Variants in SUDS3 observed in about 807,000 individuals in gnomAD.
SUDS3 encodes sin3 histone deacetylase corepressor complex component SDS3.
Under a neutral mutation model 53.5 loss-of-function variants are expected in SUDS3, and 23 were observed. The observed-to-expected ratio is 0.43, with a 90% CI of 0.31 to 0.61. The LOEUF is 0.61. Among genes scored for constraint, SUDS3 ranks in the 20% least tolerant of loss-of-function variants. The probability of loss-of-function intolerance (pLI) is 0.10; values close to 1 mark genes in which losing one functional copy is unlikely to be tolerated. For missense variants in SUDS3, 291 were observed against 405.9 expected (o/e 0.72, Z 2.43); for synonymous variants, 150 against 148.5 (o/e 1.01, Z -0.08).
chr12:118,378,132 G>A (rs1297951617), intron 1 of SUDS3, among the ~76,000 whole-genome samples: 1 of 152,132 alleles, frequency 6.6e-6, no homozygotes, highest in Non-Finnish European at 1.5e-5. Flanking sequence ...TCCAGTATAG[G>A]GGCTATTAAA....
At chr12:118,387,798 G>A (rs892825142) in intron 4 of SUDS3, among the ~76,000 whole-genome samples, 3 of 152,150 alleles carry the variant, frequency 2.0e-5, no homozygotes, top group Non-Finnish European at 2.9e-5. Flanking sequence ...TGATCCGCCC[G>A]GCTCGCCTTG....
rs1195157370 is a variant in SUDS3, at chr12:118,401,728, T to G, written c.614-31T>G. 10 of 1,587,492 alleles carry G rather than the reference T, an allele frequency of 6.3e-6. No individual in the cohort carries two copies. In the African/African-American group the frequency reaches 8.1e-5, roughly 13 times the overall value. ...ATTACTCTTTGCCTGGAAACTGTACTTTTCACATACAGTCCTTTAACTCTC... is the reference window on the plus strand; with the variant it reads ...ATTACTCTTTGCCTGGAAACTGTACGTTTCACATACAGTCCTTTAACTCTC... On this transcript the variant is annotated intron_variant, in intron 7 of 11. Transcript: ENST00000543473.
intron 11 of SUDS3, among the ~76,000 whole-genome samples, 154 bp from the exon 12 acceptor site, chr12:118,414,181 G>T (rs1327150227): frequency 6.6e-6 from 1 of 152,210 alleles, no homozygotes; most frequent in Non-Finnish European, 1.5e-5. Flanking sequence ...GGTCAGGGGT[G>T]CTTATGAAGC....
At chr12:118,378,285 T>A (rs965076214) in intron 1 of SUDS3, among the ~76,000 whole-genome samples, 27 of 152,310 alleles carry the variant, frequency 1.8e-4, no homozygotes, top group African/African-American at 6.5e-4. Flanking sequence ...AGATTCCCCT[T>A]TTTTATTGTA....
intron 11 of SUDS3, among the ~76,000 whole-genome samples, chr12:118,412,726 T>C (rs560367241): frequency 9.2e-5 from 14 of 152,220 alleles, no homozygotes; most frequent in African/African-American, 3.4e-4. Context: ...TACCTCAAGA[T>C]TTTTCAGAAA....
chr12:118,389,523 T>C, intron 4 of SUDS3, among the ~76,000 whole-genome samples: 1 of 151,900 alleles, frequency 6.6e-6, no homozygotes, highest in Admixed American at 6.6e-5. Flanking sequence ...TTTTTTTTTT[T>C]TTTTTTGAGA....
chr12:118,385,489 A>G (rs917762944), intron 3 of SUDS3, among the ~76,000 whole-genome samples: 3 of 152,158 alleles, frequency 2.0e-5, no homozygotes, highest in Non-Finnish European at 4.4e-5. Context: ...CAGGCATTAT[A>G]ATCAGGAAAC....
At chr12:118,401,895 A>G in intron 8 of SUDS3, 75 bp downstream of exon 8, 1 of 1,599,786 alleles carries the variant, frequency 6.3e-7, no homozygotes. Flanking sequence ...TTAACATGTT[A>G]CTTGTTAATC....
chr12:118,389,864 A>T, intron 4 of SUDS3, 63 bp from the exon 5 acceptor site: 1 of 1,598,842 alleles, frequency 6.3e-7, no homozygotes, highest in South Asian at 1.1e-5. Flanking sequence ...ATGAATGCTA[A>T]CATCACTGTC....
At chr12:118,386,819 C>G (rs539107144) in intron 4 of SUDS3, among the ~76,000 whole-genome samples, 3 of 152,028 alleles carry the variant, frequency 2.0e-5, no homozygotes, top group Non-Finnish European at 4.4e-5. Context: ...TAAGGAACAC[C>G]GAGTTAAAGA....
chr12:118,382,931 G>C (rs1172301866), intron 2 of SUDS3, among the ~76,000 whole-genome samples: 1 of 152,014 alleles, frequency 6.6e-6, no homozygotes, highest in Non-Finnish European at 1.5e-5. Context: ...GCCTCCTAAA[G>C]TGCTGGGATT....
chr12:118,381,202 A>G (rs2046055841), intron 2 of SUDS3, among the ~76,000 whole-genome samples: 1 of 148,364 alleles, frequency 6.7e-6, no homozygotes, highest in South Asian at 2.1e-4. Flanking sequence ...ATTTATTTTT[A>G]TTTGTTTAAT....
intron 4 of SUDS3, 53 bp from the exon 5 acceptor site, chr12:118,389,874 C>G (rs145641122): frequency 4.1e-4 from 665 of 1,609,956 alleles, no homozygotes; most frequent in Non-Finnish European, 5.4e-4. Flanking sequence ...ACATCACTGT[C>G]TAGAAAGGTG....
At chr12:118,381,295 C>A (rs1420880320) in intron 2 of SUDS3, among the ~76,000 whole-genome samples, 2 of 151,548 alleles carry the variant, frequency 1.3e-5, no homozygotes, top group Non-Finnish European at 2.9e-5. Context: ...ACCTCCACCT[C>A]CCAGGTTCAA....
intron 1 of SUDS3, among the ~76,000 whole-genome samples, chr12:118,378,856 G>A (rs552811287): frequency 6.6e-6 from 1 of 152,132 alleles, no homozygotes; most frequent in African/African-American, 2.4e-5. Flanking sequence ...TGTATTTTTA[G>A]TAGAGACGTG....
At chr12:118,402,281 C>A in intron 9 of SUDS3, 1 of 496,866 alleles carries the variant, frequency 2.0e-6, no homozygotes, top group Non-Finnish European at 3.5e-6. Flanking sequence ...GTGTAGGCAT[C>A]AGGCATAAGA....
chr12:118,391,599 A>G (rs1404485242), intron 6 of SUDS3, among the ~76,000 whole-genome samples: 8 of 152,204 alleles, frequency 5.3e-5, no homozygotes, highest in Non-Finnish European at 1.0e-4. Flanking sequence ...TAGTAATTGC[A>G]AGCTCTGGCT....
chr12:118,381,367 G>A (rs2046057591), intron 2 of SUDS3, among the ~76,000 whole-genome samples: 2 of 151,254 alleles, frequency 1.3e-5, no homozygotes, highest in South Asian at 4.2e-4. Flanking sequence ...ACCATGCCCG[G>A]CTAATTTTTG....
intron 6 of SUDS3, among the ~76,000 whole-genome samples, chr12:118,397,056 T>C (rs2046222600): frequency 6.6e-6 from 1 of 152,220 alleles, no homozygotes; most frequent in African/African-American, 2.4e-5. Flanking sequence ...CTCTCAAGTC[T>C]GCTTTAAGTG....
Sources: gnomAD v4.1 joint callset for allele counts (sites outside exome capture counted in the v4.1 genomes callset) on GRCh38, gnomAD v4.1.1 for gene constraint, MANE v1.5 for transcripts, NCBI Gene and HGNC (gene_info 2026-07-23, HGNC 2026-07-21) for gene names.